Variants in AUTS2 observed in about 807,000 individuals in gnomAD.
AUTS2 encodes the protein autism susceptibility gene 2 protein.
AUTS2 carries 17 observed loss-of-function variants against 112.4 expected under a neutral mutation model. That is an observed-to-expected ratio of 0.15 (90% CI 0.10 to 0.23). AUTS2 has a LOEUF of 0.23. Among genes scored for constraint, AUTS2 ranks in the 10% least tolerant of loss-of-function variants. The pLI is 1.00. For missense variants in AUTS2, 1,510 were observed against 1,701.6 expected (o/e 0.89, Z 1.98); for synonymous variants, 751 against 702.7 (o/e 1.07, Z -1.09).
At chr7:69,781,890 T>C (rs977986591) in intron 1 of AUTS2, among the ~76,000 whole-genome samples, 4 of 152,218 alleles carry the variant, frequency 2.6e-5, no homozygotes, top group South Asian at 4.1e-4. Context: ...CACCAGGCCC[T>C]AGAGTAAAGC....
chr7:70,223,613 A>C (rs1562799055), intron 4 of AUTS2, among the ~76,000 whole-genome samples: 3 of 152,192 alleles, frequency 2.0e-5, no homozygotes. Context: ...GTAATTTTAC[A>C]CTTATTTTAG....
chr7:69,775,073 T>A (rs910763286), intron 1 of AUTS2, among the ~76,000 whole-genome samples: 11 of 152,226 alleles, frequency 7.2e-5, no homozygotes, highest in Non-Finnish European at 1.0e-4. Flanking sequence ...GTATTTTTTT[T>A]ATTGGGTAGT....
chr7:69,984,296 A>T (rs1296727611), intron 2 of AUTS2, among the ~76,000 whole-genome samples: 1 of 151,588 alleles, frequency 6.6e-6, no homozygotes, highest in Non-Finnish European at 1.5e-5. Flanking sequence ...AGTCCCAGCT[A>T]CTTGGGAGGC....
Position 69,750,115 on chromosome 7 carries a change from G to A in AUTS2, c.310-149171G>A, listed in dbSNP as rs918952608. Among the ~76,000 whole-genome samples the A allele has an allele frequency of 3.3e-5, 5 of 151,974 alleles. No homozygotes were observed. In the South Asian group the frequency reaches 8.3e-4, roughly 25 times the overall value. On this transcript the variant is annotated intron_variant, in intron 1 of 18. Coordinates refer to ENST00000342771, the MANE Select transcript of AUTS2 (RefSeq NM_015570.4). ...ATTTGGTATGTTCTCTTGTTTTCTC[G>A]TTCTGTTGATGACGAGACTCAAATT...
In AUTS2 at chr7:69,892,473, A is replaced by G. The variant is rs533927301; in HGVS notation, c.310-6813A>G. Among the ~76,000 whole-genome samples the G allele has an allele frequency of 5.0e-4, 76 of 152,300 alleles. 1 individual carries two copies. The highest frequency in any genetic ancestry group is 1.5e-3 in the Admixed American group (23 of 15,294). ...AATTTATTAAATTAATATATTCTGT[A>G]TACAAAACTTATCAGATACACATTT... is the stretch of plus-strand genomic sequence containing the variant. On this transcript the variant is annotated intron_variant, in intron 1 of 18. Transcript: ENST00000342771.
chr7:69,852,539 G>C (rs1281907322), intron 1 of AUTS2, among the ~76,000 whole-genome samples: 1 of 151,440 alleles, frequency 6.6e-6, no homozygotes, highest in South Asian at 2.1e-4. Context: ...TGCAACCTCC[G>C]CCTCCTGGGC....
chr7:70,595,918 G>C (rs11770641), intron 5 of AUTS2, among the ~76,000 whole-genome samples: 57,989 of 152,092 alleles, frequency 0.38, 11,545 homozygotes, highest in African/African-American at 0.48. Flanking sequence ...TCCCCGCCCC[G>C]TGCCTTGCCG....
chr7:70,065,677 A>G (rs774790155), intron 2 of AUTS2, among the ~76,000 whole-genome samples: 21 of 152,060 alleles, frequency 1.4e-4, no homozygotes, highest in Non-Finnish European at 2.4e-4. Flanking sequence ...AGTCTGAGCA[A>G]CCAGAGTGAA....
chr7:70,672,752 GC>G (rs1807710449), intron 5 of AUTS2, among the ~76,000 whole-genome samples: 1 of 151,856 alleles, frequency 6.6e-6, no homozygotes, highest in African/African-American at 2.4e-5. Flanking sequence ...ACAGGTGCCC[GC>G]CACCACACCC....
chr7:70,395,957 C>T (rs1302629716), intron 4 of AUTS2, among the ~76,000 whole-genome samples: 1 of 152,082 alleles, frequency 6.6e-6, no homozygotes, highest in East Asian at 1.9e-4. Context: ...ACTCTTAACC[C>T]ATGAAGTATG....
chr7:69,811,192 A>C (rs563267012), intron 1 of AUTS2, among the ~76,000 whole-genome samples: 1 of 152,296 alleles, frequency 6.6e-6, no homozygotes, highest in East Asian at 1.9e-4. Context: ...TGGGAAGAGT[A>C]CTGCTGGTGG....
chr7:70,619,152 G>A (rs775022156), intron 5 of AUTS2, among the ~76,000 whole-genome samples: 20 of 152,094 alleles, frequency 1.3e-4, no homozygotes, highest in Admixed American at 4.6e-4. Flanking sequence ...TCCCCTTGCC[G>A]GACTTGGATC....
chr7:70,210,193 A>G (rs999461473), intron 4 of AUTS2, among the ~76,000 whole-genome samples: 3 of 152,172 alleles, frequency 2.0e-5, no homozygotes, highest in African/African-American at 4.8e-5. Context: ...CTTCTTCTAC[A>G]TGCAGATGCA....
intron 4 of AUTS2, among the ~76,000 whole-genome samples, chr7:70,368,511 C>A (rs1792688145): frequency 6.6e-6 from 1 of 152,200 alleles, no homozygotes; most frequent in Admixed American, 6.5e-5. Context: ...GTTGCAGTAA[C>A]AAGTAGCCCT....
rs1424838491 is a variant in AUTS2 at position 70,764,819 on chromosome 7, G to A, written c.1282G>A (p.Ala428Thr). The A allele has an allele frequency of 4.6e-6, 4 of 873,824 alleles. No homozygotes were observed. The Admixed American group carries it at 8.5e-5, about 19-fold the overall frequency. The allele number at this position is 873,824 out of a possible 1,614,324, so 54.1% of individuals were successfully genotyped here. A position where few individuals can be genotyped will look rare whatever the true frequency, so the allele number is the denominator to read the frequency against. The change falls in exon 8 of 19, where the codon GCC becomes ACC. Residue 428 changes from alanine (A) to threonine (T), a missense_variant. Around this residue, in one of 3 missense-constraint regions of AUTS2, gnomAD observed 535 missense variants for 594.3 expected, o/e 0.90. Coordinates refer to ENST00000342771, the MANE Select transcript of AUTS2 (RefSeq NM_015570.4). ...APPHISHHPS[A>T]SPFPLSLPNH... Reference sequence around the variant, plus strand: ...ACCTCACATCTCCCACCACCCCTCTGCCTCCCCGTTCCCCCTCTCCCTGCC... The same window carrying A: ...ACCTCACATCTCCCACCACCCCTCTACCTCCCCGTTCCCCCTCTCCCTGCC...
At chr7:70,728,168 A>T (rs1787143563) in intron 6 of AUTS2, among the ~76,000 whole-genome samples, 2 of 141,126 alleles carry the variant, frequency 1.4e-5, no homozygotes, top group African/African-American at 5.0e-5. Context: ...TTATAGAAAC[A>T]AATAAAAAAA....
At chr7:70,258,153 G>GTTAC (rs1387917350) in intron 4 of AUTS2, among the ~76,000 whole-genome samples, 6 of 152,230 alleles carry the variant, frequency 3.9e-5, no homozygotes, top group African/African-American at 1.4e-4. Flanking sequence ...GTCAGCACAG[G>GTTAC]TTACTCGCTA....
At chr7:70,646,400 C>T (rs367654325) in intron 5 of AUTS2, among the ~76,000 whole-genome samples, 48 of 152,214 alleles carry the variant, frequency 3.2e-4, no homozygotes, top group Non-Finnish European at 6.2e-4. Flanking sequence ...CAGCAGTGAG[C>T]TTGCCGTCAC....
At chr7:70,776,763 C>G (rs1243953490) in intron 13 of AUTS2, 3 of 373,008 alleles carry the variant, frequency 8.0e-6, no homozygotes, top group African/African-American at 6.3e-5. Flanking sequence ...GTAGGGCTTC[C>G]CACTCTACCA....
Sources: gnomAD v4.1 joint callset for allele counts (sites outside exome capture counted in the v4.1 genomes callset) on GRCh38, gnomAD v4.1.1 for gene constraint, gnomAD v4.1.1 regional missense constraint, MANE v1.5 for transcripts, NCBI Gene and HGNC (gene_info 2026-07-23, HGNC 2026-07-21) for gene names.